Variants in NELL1 observed in about 807,000 individuals in gnomAD.
NELL1 encodes protein kinase C-binding protein NELL1.
NELL1 carries 76 observed loss-of-function variants against 107.4 expected under a neutral mutation model. That is an observed-to-expected ratio of 0.71 (90% CI 0.59 to 0.86). The LOEUF (loss-of-function observed/expected upper bound fraction) is 0.86, where lower values mean the gene tolerates loss of function less well. NELL1 is among the 40% of genes least tolerant of loss of function. The probability of loss-of-function intolerance (pLI) is 0.00; values close to 1 mark genes in which losing one functional copy is unlikely to be tolerated. For synonymous variants in NELL1, 353 were observed against 341.2 expected, an observed-to-expected ratio of 1.03 and a Z score of -0.38; for missense variants, 1,024 against 1,005.5, an observed-to-expected ratio of 1.02 and a Z score of -0.25.
chr11:21,346,806 C>T (rs1850692941), intron 14 of NELL1, among the ~76,000 whole-genome samples: 1 of 151,908 alleles, frequency 6.6e-6, no homozygotes, highest in Non-Finnish European at 1.5e-5. Context: ...ATGCCTTGCT[C>T]TCTCACTTAC....
intron 3 of NELL1, among the ~76,000 whole-genome samples, chr11:20,806,571 C>G (rs1327363759): frequency 6.6e-6 from 1 of 152,094 alleles, no homozygotes; most frequent in Admixed American, 6.5e-5. Context: ...TAAATATTGA[C>G]AACTTCCTCT....
intron 3 of NELL1, among the ~76,000 whole-genome samples, chr11:20,836,917 C>G (rs150721846): frequency 4.0e-4 from 61 of 152,136 alleles, no homozygotes; most frequent in African/African-American, 1.4e-3. Context: ...GCCACAGAAC[C>G]TTACAGCACA....
intron 13 of NELL1, among the ~76,000 whole-genome samples, chr11:21,185,565 G>A (rs527752472): frequency 5.9e-5 from 9 of 151,862 alleles, no homozygotes; most frequent in Admixed American, 5.2e-4. Flanking sequence ...AAAGTGCTGG[G>A]ATTACAGGCG....
intron 15 of NELL1, among the ~76,000 whole-genome samples, chr11:21,374,931 G>T (rs1851440067): frequency 6.7e-6 from 1 of 148,846 alleles, no homozygotes; most frequent in Non-Finnish European, 1.5e-5. Flanking sequence ...GTGTGTGTAT[G>T]GTCTTCTGTG....
rs1427483597 is a variant in NELL1, at chr11:21,575,357, G to C, written c.*335G>C. Reference sequence around the variant, plus strand: ...ATGGTAAATGTTGATGTATTTTTTGGTTTATTTTGTGTACTAACATAATAG... The same window carrying C: ...ATGGTAAATGTTGATGTATTTTTTGCTTTATTTTGTGTACTAACATAATAG... On this transcript the variant is annotated 3_prime_UTR_variant, in exon 20 of 20. Transcript: ENST00000357134. The C allele has an allele frequency of 4.6e-6, 1 of 219,722 alleles. No individual in the cohort carries two copies. Among genetic ancestry groups the C allele is most frequent in the Non-Finnish European group, 9.2e-6 (1 of 109,288 alleles). 13.6% of individuals were successfully genotyped at this position (219,722 alleles called of 1,614,324 possible). A position where few individuals can be genotyped will look rare whatever the true frequency, so the allele number is the denominator to read the frequency against.
chr11:20,802,376 C>T (rs1857297133), intron 3 of NELL1, among the ~76,000 whole-genome samples: 1 of 149,846 alleles, frequency 6.7e-6, no homozygotes, highest in Non-Finnish European at 1.5e-5. Flanking sequence ...ATTTCTTTTT[C>T]AGATCGTTCA....
intron 13 of NELL1, among the ~76,000 whole-genome samples, chr11:21,137,056 G>A (rs2133766206): frequency 6.6e-6 from 1 of 152,272 alleles, no homozygotes; most frequent in South Asian, 2.1e-4. Flanking sequence ...GAGAGAAGGA[G>A]GAGGCATGTG....
chr11:21,237,340 G>T (rs1236276692), intron 14 of NELL1, among the ~76,000 whole-genome samples: 6 of 152,014 alleles, frequency 3.9e-5, no homozygotes, highest in African/African-American at 1.4e-4. Context: ...AAGTCTCTTT[G>T]GGATGATCAA....
At chr11:20,914,408 G>A (rs1451960139) in intron 5 of NELL1, among the ~76,000 whole-genome samples, 1 of 152,024 alleles carries the variant, frequency 6.6e-6, no homozygotes, top group East Asian at 1.9e-4. Flanking sequence ...TTTTCTGATC[G>A]GCTATTGGTT....
At chr11:20,813,299 T>C (rs896276702) in intron 3 of NELL1, among the ~76,000 whole-genome samples, 3 of 152,230 alleles carry the variant, frequency 2.0e-5, no homozygotes, top group Non-Finnish European at 2.9e-5. Context: ...GGGTTTAGTC[T>C]CTGAAATCAT....
chr11:20,804,962 G>A (rs1199996561), intron 3 of NELL1, among the ~76,000 whole-genome samples: 1 of 152,154 alleles, frequency 6.6e-6, no homozygotes, highest in African/African-American at 2.4e-5. Context: ...GTGTTCCAGT[G>A]TTGGGTGCAT....
chr11:21,207,929 C>T (rs1008935887), intron 13 of NELL1, among the ~76,000 whole-genome samples: 1 of 152,040 alleles, frequency 6.6e-6, no homozygotes, highest in African/African-American at 2.4e-5. Context: ...ATAAGTTATA[C>T]AACATGATGT....
At chr11:21,329,074 A>G (rs10833507) in intron 14 of NELL1, among the ~76,000 whole-genome samples, 31,591 of 152,102 alleles carry the variant, frequency 0.21, 3,731 homozygotes, top group South Asian at 0.27. Context: ...ATTATGTTAC[A>G]AAACATGAGA....
At chr11:21,153,238 A>G (rs956849363) in intron 13 of NELL1, among the ~76,000 whole-genome samples, 1 of 152,110 alleles carries the variant, frequency 6.6e-6, no homozygotes, top group Non-Finnish European at 1.5e-5. Context: ...CATTAAGCCT[A>G]TCTGAGGTGG....
chr11:21,179,035 A>G (rs1419332395), intron 13 of NELL1, among the ~76,000 whole-genome samples: 3 of 151,734 alleles, frequency 2.0e-5, no homozygotes, highest in Non-Finnish European at 4.4e-5. Flanking sequence ...AACTTTTTCG[A>G]ATGACCTCGG....
intron 15 of NELL1, among the ~76,000 whole-genome samples, chr11:21,381,736 A>T (rs61885513): frequency 0.051 from 7,786 of 151,812 alleles, 256 homozygotes; most frequent in Middle Eastern, 0.12. Flanking sequence ...TTTTATTTGT[A>T]TCATCTTTCC....
intron 4 of NELL1, among the ~76,000 whole-genome samples, chr11:20,878,156 C>A (rs147444201): frequency 0.027 from 4,128 of 151,814 alleles, 92 homozygotes; most frequent in East Asian, 0.14. Flanking sequence ...GTCAGGAGAT[C>A]GAGACCATCC....
intron 12 of NELL1, among the ~76,000 whole-genome samples, chr11:21,104,947 C>T (rs1182744369): frequency 6.6e-6 from 1 of 152,130 alleles, no homozygotes; most frequent in Non-Finnish European, 1.5e-5. Flanking sequence ...TATAAGGGCA[C>T]TAATCCCATT....
At chr11:21,505,572 C>T (rs1201898189) in intron 15 of NELL1, among the ~76,000 whole-genome samples, 1 of 152,180 alleles carries the variant, frequency 6.6e-6, no homozygotes, top group African/African-American at 2.4e-5. Flanking sequence ...GTTTCCTGAA[C>T]ACTGTATTTT....
Sources: gnomAD v4.1 joint callset for allele counts (sites outside exome capture counted in the v4.1 genomes callset) on GRCh38, gnomAD v4.1.1 for gene constraint, MANE v1.5 for transcripts, NCBI Gene and HGNC (gene_info 2026-07-23, HGNC 2026-07-21) for gene names.